Variants in PCDH9 observed in about 807,000 individuals in gnomAD.
PCDH9 encodes the protein protocadherin-9.
In PCDH9, 24 loss-of-function variants were observed where a neutral mutation model predicts 70.6. The ratio of observed to expected loss-of-function variants is 0.34; its 90% CI spans 0.25 to 0.48. PCDH9 has a LOEUF of 0.48. Ranked by LOEUF, PCDH9 falls within the 20% of genes least tolerant of loss-of-function variation. PCDH9 has a pLI of 0.99. For missense variants in PCDH9, 1,281 were observed against 1,503.6 expected, an observed-to-expected ratio of 0.85 and a Z score of 2.45; for synonymous variants, 562 against 558.5, an observed-to-expected ratio of 1.01 and a Z score of -0.09.
intron 3 of PCDH9, among the ~76,000 whole-genome samples, chr13:66,710,257 A>G (rs1775674094): frequency 6.6e-6 from 1 of 152,162 alleles, no homozygotes; most frequent in Admixed American, 6.6e-5. Context: ...TATGCCTTCT[A>G]TTAATTATAA....
chr13:66,565,018 C>A (rs2076633000), intron 4 of PCDH9, among the ~76,000 whole-genome samples: 1 of 151,960 alleles, frequency 6.6e-6, no homozygotes, highest in South Asian at 2.1e-4. Flanking sequence ...AAATATAATG[C>A]AATATCATAA....
chr13:67,203,670 G>T (rs141245587), intron 2 of PCDH9: 1 of 152,128 alleles, frequency 6.6e-6, no homozygotes. Context: ...TTAAAGAAAA[G>T]AAGTCTACCT....
chr13:66,730,757 C>A (rs111256147), intron 3 of PCDH9, among the ~76,000 whole-genome samples: 1 of 150,640 alleles, frequency 6.6e-6, no homozygotes. Flanking sequence ...TAGCTCACTG[C>A]GTCCTTGACA....
chr13:66,676,983 A>G (rs1028792774), intron 3 of PCDH9, among the ~76,000 whole-genome samples: 4 of 152,130 alleles, frequency 2.6e-5, no homozygotes, highest in African/African-American at 4.8e-5. Context: ...CCAACTATTC[A>G]AAGTCGGTAT....
At chr13:66,688,402 G>A (rs556367031) in intron 3 of PCDH9, among the ~76,000 whole-genome samples, 13 of 152,198 alleles carry the variant, frequency 8.5e-5, no homozygotes, top group South Asian at 8.3e-4. Context: ...TAGAAACCAC[G>A]GAAGGGATAT....
intron 4 of PCDH9, among the ~76,000 whole-genome samples, chr13:66,413,739 C>G (rs1228691891): frequency 1.3e-5 from 2 of 151,660 alleles, no homozygotes; most frequent in African/African-American, 2.4e-5. Context: ...GACCCTCAAA[C>G]TTTTTACTAT....
intron 4 of PCDH9, among the ~76,000 whole-genome samples, chr13:66,503,871 T>C (rs1439719741): frequency 5.3e-5 from 8 of 152,202 alleles, no homozygotes; most frequent in African/African-American, 1.9e-4. Flanking sequence ...TGAATATATA[T>C]AAGATCCTAC....
At chr13:66,330,610 TAAAAG>T (rs1411307713) in intron 4 of PCDH9, among the ~76,000 whole-genome samples, 1 of 151,512 alleles carries the variant, frequency 6.6e-6, no homozygotes, top group Non-Finnish European at 1.5e-5. Flanking sequence ...AGCCCAGCCT[TAAAAG>T]AAAAGATCAA....
At chr13:66,665,188 C>T (rs1283426028) in intron 3 of PCDH9, among the ~76,000 whole-genome samples, 1 of 151,210 alleles carries the variant, frequency 6.6e-6, no homozygotes, top group African/African-American at 2.4e-5. Context: ...CTCACTACAA[C>T]TTCCACCTCC....
chr13:67,036,694 T>A (rs1317675723), intron 2 of PCDH9, among the ~76,000 whole-genome samples: 1 of 152,200 alleles, frequency 6.6e-6, no homozygotes, highest in Non-Finnish European at 1.5e-5. Context: ...AAATATATGA[T>A]CATCCCTTGC....
At chr13:66,379,194 G>A (rs956336141) in intron 4 of PCDH9, among the ~76,000 whole-genome samples, 3 of 152,152 alleles carry the variant, frequency 2.0e-5, no homozygotes, top group East Asian at 1.9e-4. Context: ...ACCTCTCTCC[G>A]GCCATCTGTC....
chr13:66,309,650 A>ATAT (rs1178690518), intron 4 of PCDH9, among the ~76,000 whole-genome samples: 1 of 147,346 alleles, frequency 6.8e-6, no homozygotes. Flanking sequence ...TTTCTTTGAT[A>ATAT]TATTTTTATT....
intron 2 of PCDH9, among the ~76,000 whole-genome samples, chr13:67,044,457 T>C (rs748519259): frequency 5.3e-5 from 8 of 152,172 alleles, no homozygotes; most frequent in Non-Finnish European, 1.0e-4. Flanking sequence ...TTGCATTTCC[T>C]ACACATATGA....
chr13:66,678,881 G>A (rs1007805107), intron 3 of PCDH9, among the ~76,000 whole-genome samples: 2 of 151,622 alleles, frequency 1.3e-5, no homozygotes, highest in African/African-American at 4.8e-5. Context: ...AAGAAAGAAG[G>A]GGCAGAGCTC....
chr13:66,309,938 T>G (rs1268576508), intron 4 of PCDH9, among the ~76,000 whole-genome samples: 1 of 151,962 alleles, frequency 6.6e-6, no homozygotes, highest in African/African-American at 2.4e-5. Flanking sequence ...TGATCAGGAT[T>G]CCAAACTACT....
intron 4 of PCDH9, among the ~76,000 whole-genome samples, chr13:66,617,792 G>A (rs776623454): frequency 7.9e-5 from 12 of 152,116 alleles, no homozygotes; most frequent in Non-Finnish European, 1.2e-4. Flanking sequence ...TCATGCAATT[G>A]GAGCCTCTGA....
intron 2 of PCDH9, among the ~76,000 whole-genome samples, chr13:67,125,439 G>C (rs999131214): frequency 6.6e-6 from 1 of 152,136 alleles, no homozygotes; most frequent in African/African-American, 2.4e-5. Flanking sequence ...AGGATAAGAG[G>C]AAATAAAAAG....
At chr13:66,712,414 A>G (rs1415752309) in intron 3 of PCDH9, among the ~76,000 whole-genome samples, 3 of 152,178 alleles carry the variant, frequency 2.0e-5, no homozygotes, top group African/African-American at 7.2e-5. Context: ...TCAAGCCTGA[A>G]TTTAGAGTAT....
At position 66,304,505 on chromosome 13, in the gene PCDH9, A is replaced by G. The variant is rs1593770508; in HGVS notation, c.*150T>C. ...ACTATCTTCTCTCATATGTTGCAAA[A>G]ACATTGTATTCTCCATGGTGCTAAC... On this transcript the variant is annotated 3_prime_UTR_variant, in exon 5 of 5. Transcript: ENST00000377865. 4.6e-6 allele frequency: 3 copies of G among 645,576 alleles called. No homozygotes were observed. The East Asian group carries it at 7.8e-5, about 17-fold the overall frequency. 40.0% of individuals were successfully genotyped at this position (645,576 alleles called of 1,614,324 possible).
Sources: allele counts gnomAD v4.1 joint callset (sites outside exome capture counted in the v4.1 genomes callset), GRCh38; gene constraint gnomAD v4.1.1; transcripts MANE v1.5; gene names NCBI Gene and HGNC (gene_info 2026-07-23, HGNC 2026-07-21).